The following PARP11 variants were observed in gnomAD, a reference collection of about 807,000 sequenced individuals.
The protein encoded by PARP11 is poly(ADP-ribose) polymerase family member 11, also known as protein mono-ADP-ribosyltransferase PARP11.
PARP11 carries 31 observed loss-of-function variants against 42.9 expected under a neutral mutation model. The ratio of observed to expected loss-of-function variants is 0.72; its 90% CI spans 0.54 to 0.98. PARP11 has a LOEUF of 0.98. Ranked by LOEUF, PARP11 falls within the 50% of genes least tolerant of loss-of-function variation. PARP11 has a pLI of 0.00. For synonymous variants in PARP11, 137 were observed against 127.3 expected, an observed-to-expected ratio of 1.08 and a Z score of -0.51; for missense variants, 365 against 413.1, an observed-to-expected ratio of 0.88 and a Z score of 1.01.
rs1444095428 is a variant in PARP11 at position 3,847,974 on chromosome 12, T to A, written c.19-17956A>T. Among the ~76,000 whole-genome samples, 3 of 152,140 alleles carry A rather than the reference T, an allele frequency of 2.0e-5. No individual in the cohort carries two copies. In the East Asian group the frequency reaches 5.8e-4, roughly 29 times the overall value. The stretch of plus-strand genomic sequence containing the variant: ...TGATAAATTCAGTAAAACTGCAGGT[T>A]ACAAAATCAACATACAAAAATTAGT... On this transcript the variant is annotated intron_variant, in intron 1 of 7. Coordinates refer to ENST00000228820, the MANE Select transcript of PARP11 (RefSeq NM_020367.6).
chr12:3,844,812 ATC>A (rs1409425760), intron 1 of PARP11, among the ~76,000 whole-genome samples: 1 of 152,204 alleles, frequency 6.6e-6, no homozygotes, highest in Non-Finnish European at 1.5e-5. Flanking sequence ...TTTAAAATTA[ATC>A]TTTGCATGAA....
At chr12:3,872,731 T>C in intron 1 of PARP11, 1 of 985,196 alleles carries the variant, frequency 1.0e-6, no homozygotes, top group East Asian at 1.1e-4. Flanking sequence ...CAGGTAAACC[T>C]GAGGCAAATG....
chr12:3,814,142 C>T lies in PARP11; in HGVS notation c.595G>A (p.Glu199Lys). The T allele has an allele frequency of 3.7e-6, 6 of 1,608,810 alleles. No individual in the cohort carries two copies. Among genetic ancestry groups the T allele is most frequent in the Non-Finnish European group, 5.1e-6 (6 of 1,176,794 alleles). Reference protein sequence around the residue: ...KKKRGVPQINEQMLFHGTSSE... With the variant: ...KKKRGVPQINKQMLFHGTSSE... ...CTGGTACCATGAAACAGCATTTGTT[C>T]ATTAATCTGAGGCACACCTCTTTTT... The change falls in exon 7 of 8, where the codon GAA (glutamate) becomes AAA (lysine). Residue 199 changes from glutamate to lysine, a missense_variant. Glu to Lys is a moderately conservative substitution (Grantham distance 56). Coordinates refer to ENST00000228820, the MANE Select transcript of PARP11 (RefSeq NM_020367.6).
intron 1 of PARP11, among the ~76,000 whole-genome samples, chr12:3,851,971 G>A (rs947854268): frequency 4.6e-5 from 7 of 152,206 alleles, no homozygotes; most frequent in Non-Finnish European, 5.9e-5. Flanking sequence ...TGCAGCCTCC[G>A]CTGGGATACC....
At chr12:3,817,923 T>C (rs1452411425) in intron 6 of PARP11, among the ~76,000 whole-genome samples, 3 of 152,210 alleles carry the variant, frequency 2.0e-5, no homozygotes, top group Non-Finnish European at 4.4e-5. Flanking sequence ...TACTTGCTAG[T>C]AAATTCCACT....
intron 1 of PARP11, chr12:3,842,627 C>A: frequency 1.4e-6 from 1 of 737,154 alleles, no homozygotes; most frequent in Non-Finnish European, 2.3e-6. Context: ...TTCCTCTCCC[C>A]AGCCTCCTTA....
intron 1 of PARP11, chr12:3,841,585 C>T (rs940912399): frequency 1.9e-6 from 3 of 1,611,586 alleles, no homozygotes; most frequent in African/African-American, 1.3e-5. Flanking sequence ...GTCTGAAAGT[C>T]ACGGACAATT....
Position 3,827,931 on chromosome 12 carries a change from C to T in PARP11, c.268+979G>A, listed in dbSNP as rs2138040730. Reference sequence around the variant, plus strand: ...ACTTTTATTAAGAAAGCCTCCCATCCAGGTCTTGTTTGCCTCTAAGCAATA... The same window carrying T: ...ACTTTTATTAAGAAAGCCTCCCATCTAGGTCTTGTTTGCCTCTAAGCAATA... On this transcript the variant is annotated intron_variant, in intron 3 of 7. Coordinates refer to ENST00000228820, the MANE Select transcript of PARP11 (RefSeq NM_020367.6). Among the ~76,000 whole-genome samples, 4 of 152,310 alleles carry T rather than the reference C, an allele frequency of 2.6e-5. No homozygotes were observed. The South Asian group carries it at 8.3e-4, about 32-fold the overall frequency.
intron 1 of PARP11, among the ~76,000 whole-genome samples, chr12:3,870,336 A>T (rs191815255): frequency 5.3e-5 from 8 of 152,352 alleles, no homozygotes; most frequent in Admixed American, 4.6e-4. Context: ...CAAAAGAAGA[A>T]TGTGAGATGA....
At chr12:3,852,965 T>G (rs2138097993) in intron 1 of PARP11, among the ~76,000 whole-genome samples, 1 of 152,194 alleles carries the variant, frequency 6.6e-6, no homozygotes, top group African/African-American at 2.4e-5. Context: ...CAGAAGAGGG[T>G]GGGGGCCAAT....
chr12:3,854,366 C>A (rs1948154174), intron 1 of PARP11, among the ~76,000 whole-genome samples: 1 of 151,868 alleles, frequency 6.6e-6, no homozygotes, highest in South Asian at 2.1e-4. Context: ...TTGAAAAGAT[C>A]AACAAAATTG....
chr12:3,818,581 C>A (rs1947335678), intron 6 of PARP11, among the ~76,000 whole-genome samples: 1 of 152,180 alleles, frequency 6.6e-6, no homozygotes, highest in Non-Finnish European at 1.5e-5. Flanking sequence ...ACAATAATCC[C>A]ACATTAGCTG....
Position 3,822,967 on chromosome 12 carries a change from A to G in PARP11, c.345-810T>C, listed in dbSNP as rs761125614. 1.2e-4 allele frequency among the ~76,000 whole-genome samples: 18 copies of G among 152,304 alleles called. 1 individual carries two copies. Among genetic ancestry groups the G allele is most frequent in the Admixed American group, 2.6e-4 (4 of 15,302 alleles). On this transcript the variant is annotated intron_variant, in intron 4 of 7. Coordinates refer to ENST00000228820, the MANE Select transcript of PARP11 (RefSeq NM_020367.6). The stretch of plus-strand genomic sequence containing the variant: ...TTCTCTCCAACAGTCCACTACCTTT[A>G]AGGGTTATTAGCACAGTCAGTCAGT...
chr12:3,818,202 A>G (rs1947329460), intron 6 of PARP11, among the ~76,000 whole-genome samples: 1 of 152,102 alleles, frequency 6.6e-6, no homozygotes, highest in East Asian at 1.9e-4. Flanking sequence ...CACAGTAGCC[A>G]TTTCAAATCT....
At chr12:3,831,129 C>T (rs562387390) in intron 1 of PARP11, among the ~76,000 whole-genome samples, 1 of 152,192 alleles carries the variant, frequency 6.6e-6, no homozygotes, top group Admixed American at 6.5e-5. Context: ...TGCAAAAAAT[C>T]AGAACTTTCA....
chr12:3,839,338 C>G (rs1292013016), intron 1 of PARP11: 108 of 1,534,102 alleles, frequency 7.0e-5, no homozygotes, highest in Non-Finnish European at 9.2e-5. Flanking sequence ...CGGCGAGGAC[C>G]AGGGCGGCGC....
rs371990290 is a variant in PARP11 at position 3,868,113 on chromosome 12, C to CA, written c.18+5098dup. The stretch of plus-strand genomic sequence containing the variant: ...GATATAAGTACTTTGTAAGAAGCTG[C>CA]AAAAAAAAAATCATCCTTCTCAATG... On this transcript the variant is annotated intron_variant, in intron 1 of 7. Transcript: ENST00000228820. 3.4e-4 allele frequency among the ~76,000 whole-genome samples: 50 copies of CA among 148,028 alleles called. 1 individual carries two copies. Among genetic ancestry groups the CA allele is most frequent in the African/African-American group, 5.9e-4 (24 of 40,448 alleles).
intron 4 of PARP11, among the ~76,000 whole-genome samples, chr12:3,822,589 A>C (rs1196017420): frequency 1.5e-5 from 2 of 137,622 alleles, no homozygotes; most frequent in South Asian, 2.4e-4. Flanking sequence ...ACAGGGCGAG[A>C]CTCCGTCTCA....
rs778723382 is a variant in PARP11 at position 3,812,183 on chromosome 12, C to CT, written c.956dup (p.Ile320AspfsTer6). On this transcript the variant is annotated frameshift_variant, in exon 8 of 8. Transcript: ENST00000228820. LOFTEE classifies it high-confidence loss of function. ...GGTTGGCATCAAAAACCACAAAGATCTTTGGGTTCCAGGTATCATCCACAC... is the reference window on the plus strand; with the variant it reads ...GGTTGGCATCAAAAACCACAAAGATCTTTTGGGTTCCAGGTATCATCCACAC... 2 of 1,614,062 alleles carry CT rather than the reference C, an allele frequency of 1.2e-6. No individual in the cohort carries two copies. The highest frequency in any genetic ancestry group is 1.7e-6 in the Non-Finnish European group (2 of 1,180,020).
Sources: gnomAD v4.1 joint callset for allele counts (sites outside exome capture counted in the v4.1 genomes callset) on GRCh38, gnomAD v4.1.1 for gene constraint, MANE v1.5 for transcripts, NCBI Gene and HGNC (gene_info 2026-07-23, HGNC 2026-07-21) for gene names.